RNF135: variants seen among roughly 807,000 people sequenced by gnomAD.
The protein encoded by RNF135 is E3 ubiquitin-protein ligase RNF135.
A neutral mutation model predicts 41.9 loss-of-function variants in RNF135; 46 were observed. The observed-to-expected ratio is 1.10, with a 90% confidence interval of 0.87 to 1.40. The LOEUF (loss-of-function observed/expected upper bound fraction) is 1.40. Among genes scored for constraint, RNF135 ranks in the 40% most tolerant of loss-of-function variants. The pLI is 0.00. For missense variants in RNF135, 539 were observed against 549.8 expected, an observed-to-expected ratio of 0.98 and a Z score of 0.20; for synonymous variants, 238 against 223.8, an observed-to-expected ratio of 1.06 and a Z score of -0.57.
chr17:30,979,249 C>CCCG (rs1906759692), intron 1 of RNF135: 1 of 106,562 alleles, frequency 9.4e-6, no homozygotes, highest in African/African-American at 3.7e-5. Context: ...GACCCCCCCC[C>CCCG]CCACCCTCCC....
At chr17:30,997,903 G>A (rs946687418) in intron 4 of RNF135, among the ~76,000 whole-genome samples, 3 of 152,346 alleles carry the variant, frequency 2.0e-5, no homozygotes, top group Non-Finnish European at 2.9e-5. Context: ...TAGTCATGCT[G>A]TATAAGTGTT....
upstream of RNF135, chr17:30,971,013 G>A (rs1905847499): frequency 3.3e-6 from 5 of 1,530,684 alleles, no homozygotes; most frequent in Admixed American, 7.9e-5. Flanking sequence ...GGGCGAGGGA[G>A]GAGCCTGAGG....
chr17:30,993,759 T>A, intron 3 of RNF135: 1 of 982,844 alleles, frequency 1.0e-6, no homozygotes, highest in East Asian at 2.6e-5. Flanking sequence ...TTTAAAAAAT[T>A]TTTTTCCTTT....
chr17:30,981,096 A>G (rs374653886), intron 1 of RNF135, among the ~76,000 whole-genome samples: 1 of 148,672 alleles, frequency 6.7e-6, no homozygotes, highest in Admixed American at 6.7e-5. Context: ...ACGAGACTCC[A>G]TCTGCAATCC....
rs1397197619 is a variant in RNF135 at position 30,999,665 on chromosome 17, A to AATG, written c.*475_*477dup. 1 of 181,192 alleles carries AATG rather than the reference A, an allele frequency of 5.5e-6. No homozygotes were observed. Among genetic ancestry groups the AATG allele is most frequent in the African/African-American group, 2.4e-5 (1 of 42,494 alleles). The allele number at this position is 181,192 out of a possible 1,614,324, so 11.2% of individuals were successfully genotyped here. A position where few individuals can be genotyped will look rare whatever the true frequency, so the allele number is the denominator to read the frequency against. ...AGCCATGTGGGCAGTGAAGCATGCC[A>AATG]ATGTGATCAATCCCTAGTAAAAGCC... On this transcript the variant is annotated 3_prime_UTR_variant, in exon 5 of 5. Transcript: ENST00000328381.
At chr17:30,979,990 T>G (rs1303995125) in intron 1 of RNF135, among the ~76,000 whole-genome samples, 1 of 65,154 alleles carries the variant, frequency 1.5e-5, no homozygotes, top group Non-Finnish European at 2.9e-5. Flanking sequence ...GGGGGGCTGA[T>G]CCTCCCACCT....
intron 4 of RNF135, 132 bp from the exon 5 acceptor site, chr17:30,998,530 G>T (rs1467158699): frequency 8.2e-6 from 7 of 857,978 alleles, no homozygotes; most frequent in Non-Finnish European, 5.8e-6. Flanking sequence ...GTTGGGTGAT[G>T]TAGCAATTTT....
chr17:30,968,342 A>G (rs1905639476), upstream of RNF135, among the ~76,000 whole-genome samples: 1 of 150,434 alleles, frequency 6.6e-6, no homozygotes. Flanking sequence ...ATATATTTTT[A>G]CTACCAGAGC....
chr17:30,969,996 T>TG (rs549212285), upstream of RNF135, among the ~76,000 whole-genome samples: 19 of 151,994 alleles, frequency 1.3e-4, no homozygotes, highest in Non-Finnish European at 1.5e-4. Context: ...AGGCTGGTCT[T>TG]GAACTCCTGA....
chr17:30,981,205 C>A (rs1006244886), intron 1 of RNF135, among the ~76,000 whole-genome samples: 11 of 149,068 alleles, frequency 7.4e-5, no homozygotes, highest in Non-Finnish European at 1.6e-4. Context: ...CAAAAAAAAA[C>A]GAAAACCAGT....
chr17:30,998,104 G>A (rs1315285568), intron 4 of RNF135, among the ~76,000 whole-genome samples: 2 of 152,204 alleles, frequency 1.3e-5, no homozygotes, highest in Non-Finnish European at 2.9e-5. Context: ...AGAGACAGGA[G>A]TTGGCCATGA....
At chr17:30,995,544 A>T (rs1426853185) in intron 3 of RNF135, among the ~76,000 whole-genome samples, 1 of 152,032 alleles carries the variant, frequency 6.6e-6, no homozygotes, top group African/African-American at 2.4e-5. Flanking sequence ...CATGTTGCAG[A>T]ATTGAAACTC....
At chr17:30,988,170 T>C (rs1907723450) in intron 3 of RNF135, 64 bp downstream of exon 3, 1 of 1,490,986 alleles carries the variant, frequency 6.7e-7, no homozygotes, top group South Asian at 1.2e-5. Context: ...AGCAGAGTGC[T>C]CTATGGCTTT....
In RNF135 at chr17:30,971,116, G is replaced by A. The variant is rs1185685036; in HGVS notation, c.43G>A (p.Ala15Thr). 8 of 1,534,316 alleles carry A rather than the reference G, an allele frequency of 5.2e-6. No homozygotes were observed. Among genetic ancestry groups the A allele is most frequent in the Middle Eastern group, 1.7e-4 (1 of 5,834 alleles). The change falls in exon 1 of 5, where the codon GCC becomes ACC. Residue 15 changes from alanine to threonine, a missense_variant. This residue lies in a region of RNF135 where 277 missense variants were observed against 212.8 expected (regional missense o/e 1.30). Coordinates refer to ENST00000328381, the MANE Select transcript of RNF135 (RefSeq NM_032322.4). ...GLGSAVPVWL[A>T]EDDLGCIICQ... is the part of the protein sequence containing the mutation. ...GGGCTCCGCCGTTCCCGTGTGGCTG[G>A]CCGAGGACGACCTCGGCTGCATCAT...
intron 1 of RNF135, among the ~76,000 whole-genome samples, chr17:30,984,014 G>C (rs1907412669): frequency 6.6e-6 from 1 of 151,934 alleles, no homozygotes; most frequent in South Asian, 2.1e-4. Flanking sequence ...TTTTATTGTT[G>C]AGTTTTAGAA....
intron 3 of RNF135, among the ~76,000 whole-genome samples, chr17:30,990,499 G>A (rs1206938684): frequency 2.6e-5 from 4 of 152,064 alleles, no homozygotes; most frequent in African/African-American, 4.8e-5. Flanking sequence ...GGTGATGAGC[G>A]AAACACCATC....
At chr17:30,983,317 G>GTATA (rs1234232549) in intron 1 of RNF135, among the ~76,000 whole-genome samples, 1 of 24,844 alleles carries the variant, frequency 4.0e-5, no homozygotes, top group Non-Finnish European at 1.0e-4. Context: ...TTACATATAT[G>GTATA]TACATATATA....
chr17:30,994,642 T>A (rs1445145276), intron 3 of RNF135, among the ~76,000 whole-genome samples: 3 of 151,946 alleles, frequency 2.0e-5, no homozygotes, highest in South Asian at 2.1e-4. Context: ...TTATTTTATT[T>A]TTTTTTTTGA....
At chr17:30,975,504 A>AC in intron 1 of RNF135, 1 of 777,492 alleles carries the variant, frequency 1.3e-6, no homozygotes, top group Non-Finnish European at 2.4e-6. Context: ...GAGAACCCAT[A>AC]CCCAAACCCC....
Sources: gnomAD v4.1 joint callset for allele counts (sites outside exome capture counted in the v4.1 genomes callset) on GRCh38, gnomAD v4.1.1 for gene constraint, gnomAD v4.1.1 regional missense constraint, MANE v1.5 for transcripts, NCBI Gene and HGNC (gene_info 2026-07-23, HGNC 2026-07-21) for gene names.